The following PRDM10 variants were observed in gnomAD, a reference collection of about 807,000 sequenced individuals.
PRDM10 encodes the protein PR domain zinc finger protein 10.
Under a neutral mutation model 133.1 loss-of-function variants are expected in PRDM10, and 65 were observed. That is an observed-to-expected ratio of 0.49 (90% confidence interval 0.40 to 0.60). The LOEUF (loss-of-function observed/expected upper bound fraction) is 0.60, where lower values mean the gene tolerates loss of function less well. PRDM10 is among the 20% of genes least tolerant of loss of function. The probability of loss-of-function intolerance (pLI) is 0.00; values close to 1 mark genes in which losing one functional copy is unlikely to be tolerated. For missense variants in PRDM10, 1,137 were observed against 1,507.1 expected, an observed-to-expected ratio of 0.75 and a Z score of 4.07; for synonymous variants, 582 against 580.4, an observed-to-expected ratio of 1.00 and a Z score of -0.04.
chr11:129,912,784 G>A (rs1053511649), intron 17 of PRDM10, among the ~76,000 whole-genome samples: 20 of 150,692 alleles, frequency 1.3e-4, no homozygotes, highest in African/African-American at 4.9e-4. Context: ...AGGCAGCAGG[G>A]TGCAGTGGCT....
intron 10 of PRDM10, among the ~76,000 whole-genome samples, chr11:129,931,711 C>T (rs1288640861): frequency 6.6e-6 from 1 of 151,644 alleles, no homozygotes; most frequent in Admixed American, 6.6e-5. Flanking sequence ...GGATTGCAGG[C>T]GCCCGCCACT....
In PRDM10 at chr11:129,946,712, T is replaced by G. The variant is rs146865555; in HGVS notation, c.520+433A>C. ...AAAGGAGGTAGTAGACTCAGGGCAC[T>G]CACGCCTGGGATAGAACAGCATTCT... On this transcript the variant is annotated intron_variant, in intron 5 of 20. Coordinates refer to ENST00000360871, the MANE Select transcript of PRDM10 (RefSeq NM_199437.2). Among the ~76,000 whole-genome samples the G allele has an allele frequency of 3.5e-3, 526 of 152,238 alleles. 4 individuals carry two copies. The highest frequency in any genetic ancestry group is 0.012 in the African/African-American group (492 of 41,536).
rs560227269 is a variant in PRDM10 at position 129,933,835 on chromosome 11, T to C, written c.1157+1266A>G. Among the ~76,000 whole-genome samples the C allele has an allele frequency of 5.9e-5, 9 of 152,266 alleles. No individual in the cohort carries two copies. In the South Asian group the frequency reaches 1.9e-3, roughly 32 times the overall value. ...TTAGACATTTACCCCTGTGGTCACATTCTAGACCCTGTCACCCTTGTAAGC... is the reference window on the plus strand; with the variant it reads ...TTAGACATTTACCCCTGTGGTCACACTCTAGACCCTGTCACCCTTGTAAGC... On this transcript the variant is annotated intron_variant, in intron 9 of 20. Coordinates refer to ENST00000360871, the MANE Select transcript of PRDM10 (RefSeq NM_199437.2).
intron 1 of PRDM10, among the ~76,000 whole-genome samples, chr11:129,982,920 C>T (rs1938192814): frequency 6.6e-6 from 1 of 152,064 alleles, no homozygotes; most frequent in African/African-American, 2.4e-5. Flanking sequence ...GAGATGGCAC[C>T]ACTGCACTCC....
rs574404466 is a variant in PRDM10, at chr11:129,912,104, G to A, written c.2963C>T (p.Ser988Leu). Reference protein sequence around the residue: ...QHIQVSEPTASAPSSAQVSGQ... With the variant: ...QHIQVSEPTALAPSSAQVSGQ... The stretch of plus-strand genomic sequence containing the variant: ...GGGTACCTGGGCGGAGGACGGGGCC[G>A]AGGCGGTAGGCTCGCTGACCTGGAT... Residue 988 changes from serine to leucine, a missense_variant, in exon 18 of 21, where the codon TCG (serine) becomes TTG (leucine). Transcript: ENST00000360871. The A allele has an allele frequency of 1.6e-5, 26 of 1,610,820 alleles. No individual in the cohort carries two copies. The highest frequency in any genetic ancestry group is 5.5e-5 in the South Asian group (5 of 90,684).
Position 129,915,705 on chromosome 11 carries a change from G to A in PRDM10, c.2481C>T (p.Thr827=). The A allele has an allele frequency of 6.2e-7, 1 of 1,613,904 alleles. No individual in the cohort carries two copies. Among genetic ancestry groups the A allele is most frequent in the Non-Finnish European group, 8.5e-7 (1 of 1,179,898 alleles). The change falls in exon 16 of 21, where the codon ACC becomes ACT. Residue 827 remains threonine, a synonymous_variant. Transcript: ENST00000360871. ...THTQLTGTIA[T]PPVCCPHCSK... ...AGCAGTGGGGACAGCAGACGGGAGG[G>A]GTGGCGATGGTGCCCGTCAGCTGGG... is the stretch of plus-strand genomic sequence containing the variant.
intron 13 of PRDM10, among the ~76,000 whole-genome samples, chr11:129,921,468 G>C (rs1056403863): frequency 1.3e-5 from 2 of 152,232 alleles, no homozygotes; most frequent in African/African-American, 4.8e-5. Context: ...AGGAACCAGA[G>C]AGGCTGGCAG....
intron 1 of PRDM10, among the ~76,000 whole-genome samples, chr11:129,981,786 C>T (rs1273408205): frequency 6.6e-6 from 1 of 152,152 alleles, no homozygotes; most frequent in East Asian, 1.9e-4. Context: ...ATCCCAGCTA[C>T]TCAGGAGGCT....
intron 1 of PRDM10, among the ~76,000 whole-genome samples, chr11:129,999,284 T>C (rs1939219426): frequency 6.6e-6 from 1 of 152,230 alleles, no homozygotes; most frequent in Admixed American, 6.5e-5. Context: ...CCCTCCTGCC[T>C]CTACCTATCC....
In PRDM10 at chr11:129,912,163, C is replaced by A. The variant is rs963964567; in HGVS notation, c.2904G>T (p.Gln968His). 7 of 1,612,262 alleles carry A rather than the reference C, an allele frequency of 4.3e-6. No individual in the cohort carries two copies. In the African/African-American group the frequency reaches 8.0e-5, roughly 18 times the overall value. Residue 968 changes from glutamine to histidine, a missense_variant, in exon 18 of 21, where the codon CAG (glutamine) becomes CAT (histidine). Around this residue, in one of 6 missense-constraint regions of PRDM10, gnomAD observed 243 missense variants for 259.2 expected, o/e 0.94. Coordinates refer to ENST00000360871, the MANE Select transcript of PRDM10 (RefSeq NM_199437.2). ...TVDVGQLHDP[Q>H]PYPQHAIQVQ... ...CCTGGATGGCGTGCTGGGGGTAGGG[C>A]TGAGGATCATGGAGCTGGCCAACAT... is the stretch of plus-strand genomic sequence containing the variant.
chr11:129,959,941 G>C (rs77492513), intron 2 of PRDM10, among the ~76,000 whole-genome samples: 2,958 of 109,044 alleles, frequency 0.027, 103 homozygotes, highest in African/African-American at 0.084. Context: ...TTTTTTTTTT[G>C]GTAGAGTCAG....
chr11:129,903,339 T>TAATAATAAA (rs1555100917), intron 20 of PRDM10, among the ~76,000 whole-genome samples: 36 of 137,034 alleles, frequency 2.6e-4, no homozygotes, highest in African/African-American at 9.6e-4. Context: ...ATAATAATAA[T>TAATAATAAA]AAATGGTTCC....
At chr11:129,913,970 C>T (rs757370465) in intron 17 of PRDM10, among the ~76,000 whole-genome samples, 10 of 152,122 alleles carry the variant, frequency 6.6e-5, no homozygotes, top group Non-Finnish European at 1.2e-4. Context: ...ACAGTTATAC[C>T]TCTATACTAC....
At chr11:130,001,004 G>A (rs1939334689) in intron 1 of PRDM10, among the ~76,000 whole-genome samples, 1 of 152,144 alleles carries the variant, frequency 6.6e-6, no homozygotes, top group South Asian at 2.1e-4. Context: ...CTACTAGGGA[G>A]GCTGAAGCAG....
intron 6 of PRDM10, among the ~76,000 whole-genome samples, chr11:129,944,430 AAG>A (rs1951328179): frequency 6.6e-6 from 1 of 150,734 alleles, no homozygotes; most frequent in East Asian, 2.0e-4. Flanking sequence ...AAAATACAAA[AAG>A]AAATTAGCCG....
At chr11:129,944,335 C>A (rs1040949561) in intron 6 of PRDM10, among the ~76,000 whole-genome samples, 2 of 152,294 alleles carry the variant, frequency 1.3e-5, no homozygotes, top group African/African-American at 4.8e-5. Context: ...TGGCTCACGC[C>A]TGTAATCCCA....
Position 129,902,422 on chromosome 11 carries a change from C to G in PRDM10, c.3362G>C (p.Ser1121Thr), listed in dbSNP as rs753203329. 6.2e-7 allele frequency: 1 copy of G among 1,614,170 alleles called. No homozygotes were observed. The highest frequency in any genetic ancestry group is 8.5e-7 in the Non-Finnish European group (1 of 1,180,034). ...GGVQVEPPAH[S>T]DSLDPQTNSQ... is the part of the protein sequence containing the mutation. ...GTTGGTCTGGGGGTCCAGGGAGTCA[C>G]TGTGTGCAGGTGGCTCGACCTGGAC... The change falls in exon 21 of 21, where the codon AGT (serine) becomes ACT (threonine). Residue 1121 changes from serine to threonine, a missense_variant. By Grantham distance (58) the Ser-to-Thr change is moderately conservative (BLOSUM62 1). This residue lies in a region of PRDM10 where 243 missense variants were observed against 259.2 expected (regional missense o/e 0.94). Transcript: ENST00000360871.
chr11:129,977,305 G>A (rs1937825461), intron 1 of PRDM10, among the ~76,000 whole-genome samples: 1 of 139,766 alleles, frequency 7.2e-6, no homozygotes, highest in South Asian at 2.3e-4. Context: ...CACACATTGA[G>A]ATGCAGTCTC....
rs1481050642 is a variant in PRDM10, at chr11:129,969,657, AT to A, written c.-118-8576del. On this transcript the variant is annotated intron_variant, in intron 1 of 20. Transcript: ENST00000360871. ...AGAAATACAAAAAAAAAAAAAAAAA[AT>A]TAGCCGGGCGTGGTGGTGCGTGCCT... is the stretch of plus-strand genomic sequence containing the variant. 9.5e-5 allele frequency among the ~76,000 whole-genome samples: 14 copies of A among 147,112 alleles called. No homozygotes were observed. In the East Asian group the frequency reaches 2.8e-3, roughly 30 times the overall value.
Sources: allele counts gnomAD v4.1 joint callset (sites outside exome capture counted in the v4.1 genomes callset), GRCh38; gene constraint gnomAD v4.1.1; regional missense constraint gnomAD v4.1.1; transcripts MANE v1.5; gene names NCBI Gene and HGNC (gene_info 2026-07-23, HGNC 2026-07-21).